The following CTNNA2 variants were observed in gnomAD, a reference collection of about 807,000 sequenced individuals.
CTNNA2 encodes the protein catenin alpha-2.
A neutral mutation model predicts 101.0 loss-of-function variants in CTNNA2; 42 were observed. The observed-to-expected ratio is 0.42, with a 90% CI of 0.32 to 0.54. CTNNA2 has a LOEUF of 0.54. Ranked by LOEUF, CTNNA2 falls within the 20% of genes least tolerant of loss-of-function variation. The pLI is 0.14. For synonymous variants in CTNNA2, 450 were observed against 456.4 expected (o/e 0.99, Z 0.18); for missense variants, 871 against 1,223.1 (o/e 0.71, Z 4.29).
At chr2:79,834,736 G>A (rs1297149123) in intron 3 of CTNNA2, among the ~76,000 whole-genome samples, 1 of 147,206 alleles carries the variant, frequency 6.8e-6, no homozygotes, top group African/African-American at 2.5e-5. Flanking sequence ...TAGTTGCATT[G>A]ATCTTTATTG....
chr2:79,651,561 C>T lies in CTNNA2; in HGVS notation c.5C>T (p.Thr2Ile), dbSNP rs1681253405. 1 of 1,613,708 alleles carries T rather than the reference C, an allele frequency of 6.2e-7. No individual in the cohort carries two copies. Among genetic ancestry groups the T allele is most frequent in the Non-Finnish European group, 8.5e-7 (1 of 1,179,734 alleles). Residue 2 changes from threonine to isoleucine, a missense_variant, in exon 2 of 19, where the codon ACT becomes ATT. By Grantham distance (89) the Thr-to-Ile change is moderately conservative. Coordinates refer to ENST00000402739, the MANE Select transcript of CTNNA2 (RefSeq NM_001282597.3). M[T>I]SATSPIILKW... is the part of the protein sequence containing the mutation. Reference sequence around the variant, plus strand: ...ACATGTGTTCCCATAGGGAGCATGACTTCGGCAACTTCACCTATCATTCTG... The same window carrying T: ...ACATGTGTTCCCATAGGGAGCATGATTTCGGCAACTTCACCTATCATTCTG...
At chr2:80,518,568 G>C (rs1442762597) in intron 9 of CTNNA2, among the ~76,000 whole-genome samples, 1 of 152,140 alleles carries the variant, frequency 6.6e-6, no homozygotes, top group African/African-American at 2.4e-5. Flanking sequence ...GGTTGCCTGT[G>C]ATACTCAGTC....
chr2:80,013,676 A>G (rs1693937859), intron 7 of CTNNA2, among the ~76,000 whole-genome samples: 2 of 152,210 alleles, frequency 1.3e-5, no homozygotes, highest in Admixed American at 1.3e-4. Flanking sequence ...TCATTTCACC[A>G]GGAAAAATCA....
intron 7 of CTNNA2, among the ~76,000 whole-genome samples, chr2:80,232,814 C>G (rs1382002083): frequency 6.6e-6 from 1 of 152,084 alleles, no homozygotes; most frequent in African/African-American, 2.4e-5. Flanking sequence ...TTCCTATAAC[C>G]AAACAACCTT....
At chr2:80,558,974 C>T (rs1421838588) in intron 12 of CTNNA2, among the ~76,000 whole-genome samples, 1 of 152,122 alleles carries the variant, frequency 6.6e-6, no homozygotes, top group East Asian at 1.9e-4. Flanking sequence ...GTTCTGGGGA[C>T]TGTTTTGTCC....
At chr2:80,313,797 A>T in intron 7 of CTNNA2, 3 of 654,402 alleles carry the variant, frequency 4.6e-6, no homozygotes, top group Non-Finnish European at 7.9e-6. Flanking sequence ...AGGAGAAAGG[A>T]TACTGAAAGC....
chr2:80,057,175 G>GT (rs1233768586), intron 7 of CTNNA2, among the ~76,000 whole-genome samples: 19,162 of 142,042 alleles, frequency 0.13, 2,512 homozygotes, highest in African/African-American at 0.34. Context: ...TATATAAGTT[G>GT]TTTTTTTTTT....
intron 7 of CTNNA2, among the ~76,000 whole-genome samples, chr2:80,223,499 C>T (rs1402049812): frequency 6.6e-6 from 1 of 152,200 alleles, no homozygotes; most frequent in Non-Finnish European, 1.5e-5. Flanking sequence ...GTCTCAAACT[C>T]CCGACCTCAG....
At chr2:80,355,336 T>C (rs1673682571) in intron 7 of CTNNA2, among the ~76,000 whole-genome samples, 1 of 152,194 alleles carries the variant, frequency 6.6e-6, no homozygotes, top group Non-Finnish European at 1.5e-5. Flanking sequence ...GTTTTTCTGA[T>C]AAAAAGTCTG....
intron 7 of CTNNA2, among the ~76,000 whole-genome samples, chr2:80,166,467 G>T (rs1233303575): frequency 6.6e-6 from 1 of 152,134 alleles, no homozygotes; most frequent in Non-Finnish European, 1.5e-5. Context: ...TGGAGGGGTT[G>T]GGAGGATGGT....
At chr2:79,469,699 T>C (rs936814923) in intron 4 of CTNNA2, among the ~76,000 whole-genome samples, 2 of 152,134 alleles carry the variant, frequency 1.3e-5, no homozygotes, top group Non-Finnish European at 2.9e-5. Context: ...GTGGGCTTCA[T>C]CCCTGGGATG....
intron 15 of CTNNA2, among the ~76,000 whole-genome samples, chr2:80,599,604 T>C (rs1286149598): frequency 5.3e-5 from 8 of 152,180 alleles, no homozygotes; most frequent in Non-Finnish European, 5.9e-5. Context: ...AACTGGGTCA[T>C]GTCACTAACT....
At chr2:79,550,693 G>A (rs1259182808) in intron 1 of CTNNA2, among the ~76,000 whole-genome samples, 1 of 152,122 alleles carries the variant, frequency 6.6e-6, no homozygotes, top group Non-Finnish European at 1.5e-5. Context: ...CAAATACCAT[G>A]CATTGCGAGC....
At chr2:79,440,249 A>C (rs1021468816) in intron 4 of CTNNA2, among the ~76,000 whole-genome samples, 1 of 152,160 alleles carries the variant, frequency 6.6e-6, no homozygotes, top group Non-Finnish European at 1.5e-5. Flanking sequence ...ATGATTTGCT[A>C]GTTGAAATGA....
chr2:79,255,111 G>C (rs1162789141), intron 2 of CTNNA2, among the ~76,000 whole-genome samples: 1 of 152,082 alleles, frequency 6.6e-6, no homozygotes, highest in Admixed American at 6.6e-5. Flanking sequence ...TGTATTATAT[G>C]GCCTCAAATT....
intron 1 of CTNNA2, among the ~76,000 whole-genome samples, chr2:79,551,738 G>A (rs1307536370): frequency 2.6e-5 from 4 of 152,140 alleles, no homozygotes; most frequent in South Asian, 2.1e-4. Flanking sequence ...CAATCATGGT[G>A]GAAGGCAAAG....
chr2:79,516,595 G>A (rs1170901073), intron 1 of CTNNA2, among the ~76,000 whole-genome samples: 1 of 152,154 alleles, frequency 6.6e-6, no homozygotes, highest in Non-Finnish European at 1.5e-5. Context: ...TACTATCACT[G>A]GGTTAAGACA....
At chr2:79,581,328 C>T (rs1676133834) in intron 1 of CTNNA2, among the ~76,000 whole-genome samples, 1 of 152,128 alleles carries the variant, frequency 6.6e-6, no homozygotes, top group Non-Finnish European at 1.5e-5. Context: ...GAGTTAGAGA[C>T]CAGCCTGGCC....
chr2:79,331,974 G>T (rs1408210165), intron 3 of CTNNA2, among the ~76,000 whole-genome samples: 2 of 152,082 alleles, frequency 1.3e-5, no homozygotes, highest in Non-Finnish European at 2.9e-5. Context: ...CTGACCATAG[G>T]TTCTGTTTTA....
Sources: allele counts gnomAD v4.1 joint callset (sites outside exome capture counted in the v4.1 genomes callset), GRCh38; gene constraint gnomAD v4.1.1; transcripts MANE v1.5; gene names NCBI Gene and HGNC (gene_info 2026-07-23, HGNC 2026-07-21).